The following PTPRG variants were observed in gnomAD, a reference collection of about 807,000 sequenced individuals.
PTPRG encodes the protein protein tyrosine phosphatase receptor type G.
PTPRG carries 102 observed loss-of-function variants against 165.3 expected under a neutral mutation model. That is an observed-to-expected ratio of 0.62 (90% CI 0.53 to 0.73). The LOEUF is 0.73. PTPRG is among the 30% of genes least tolerant of loss of function. The pLI is 0.00. For missense variants in PTPRG, 1,866 were observed against 1,861.4 expected (o/e 1.00, Z -0.05); for synonymous variants, 675 against 669.5 (o/e 1.01, Z -0.13).
At chr3:61,867,214 C>T (rs531461222) in intron 2 of PTPRG, among the ~76,000 whole-genome samples, 4 of 152,302 alleles carry the variant, frequency 2.6e-5, no homozygotes, top group East Asian at 3.9e-4. Context: ...TACCCCCTGC[C>T]TCCCAGAACC....
chr3:62,197,230 T>C (rs924239314), intron 10 of PTPRG, among the ~76,000 whole-genome samples: 1 of 152,154 alleles, frequency 6.6e-6, no homozygotes, highest in Non-Finnish European at 1.5e-5. Flanking sequence ...TGATGTGGGG[T>C]AATGGATGTT....
intron 5 of PTPRG, among the ~76,000 whole-genome samples, chr3:62,109,018 T>G (rs1253843466): frequency 6.6e-6 from 1 of 152,136 alleles, no homozygotes; most frequent in African/African-American, 2.4e-5. Context: ...GATGATAGTT[T>G]CTTTTGCTGT....
intron 1 of PTPRG, among the ~76,000 whole-genome samples, chr3:61,747,527 G>C (rs6445237): frequency 2.1e-3 from 315 of 152,168 alleles, no homozygotes; most frequent in African/African-American, 7.4e-3. Flanking sequence ...TAGGATTCTT[G>C]TTTCCCTCTA....
chr3:62,010,659 AAAAT>A (rs1432688231), intron 4 of PTPRG, among the ~76,000 whole-genome samples: 1 of 152,178 alleles, frequency 6.6e-6, no homozygotes, highest in Non-Finnish European at 1.5e-5. Context: ...CTAATAAAAT[AAAAT>A]AAAATAAAAA....
intron 2 of PTPRG, among the ~76,000 whole-genome samples, chr3:61,906,399 T>A (rs1394000334): frequency 6.6e-6 from 1 of 151,386 alleles, no homozygotes; most frequent in Admixed American, 6.6e-5. Context: ...GAGGTTTCAG[T>A]GAGCCGAGAT....
At chr3:61,758,828 G>GGA (rs1257054591) in intron 2 of PTPRG, among the ~76,000 whole-genome samples, 2 of 152,020 alleles carry the variant, frequency 1.3e-5, no homozygotes, top group Non-Finnish European at 2.9e-5. Flanking sequence ...AAGAACGTAA[G>GGA]GAGGACCCAT....
At chr3:62,160,410 G>C (rs1167169477) in intron 7 of PTPRG, among the ~76,000 whole-genome samples, 1 of 152,186 alleles carries the variant, frequency 6.6e-6, no homozygotes, top group East Asian at 1.9e-4. Context: ...ACATTGGTTT[G>C]GGATTCCCCA....
At chr3:61,732,541 C>T (rs2032546719) in intron 1 of PTPRG, among the ~76,000 whole-genome samples, 1 of 150,278 alleles carries the variant, frequency 6.7e-6, no homozygotes, top group South Asian at 2.1e-4. Context: ...AACCCCGTCT[C>T]TACTAAAAAT....
chr3:61,752,625 A>C (rs534008519), intron 2 of PTPRG, among the ~76,000 whole-genome samples: 2 of 151,898 alleles, frequency 1.3e-5, no homozygotes, highest in African/African-American at 2.4e-5. Context: ...ATTTCTACTA[A>C]AAATACAAAA....
intron 13 of PTPRG, among the ~76,000 whole-genome samples, chr3:62,227,768 G>T (rs1159586758): frequency 6.6e-6 from 1 of 152,194 alleles, no homozygotes; most frequent in Non-Finnish European, 1.5e-5. Context: ...AGGAAGAGAG[G>T]AGCAGGTAAA....
At chr3:61,725,717 T>C (rs1025230402) in intron 1 of PTPRG, among the ~76,000 whole-genome samples, 1 of 151,944 alleles carries the variant, frequency 6.6e-6, no homozygotes, top group African/African-American at 2.4e-5. Context: ...CACCTTTTTT[T>C]TTTTTTTTTG....
intron 1 of PTPRG, among the ~76,000 whole-genome samples, chr3:61,613,112 C>T (rs765572876): frequency 1.3e-5 from 2 of 152,114 alleles, no homozygotes; most frequent in Non-Finnish European, 2.9e-5. Flanking sequence ...GAAATCACAC[C>T]CTTTAGACTA....
chr3:61,626,759 G>A (rs571348063), intron 1 of PTPRG, among the ~76,000 whole-genome samples: 1 of 152,328 alleles, frequency 6.6e-6, no homozygotes, highest in East Asian at 1.9e-4. Context: ...CTGGTTGGCA[G>A]ATTATTAAAT....
rs532356516 is a variant in PTPRG at position 61,866,582 on chromosome 3, C to CTTTTTT, written c.190+117631_190+117636dup. On this transcript the variant is annotated intron_variant, in intron 2 of 29. Coordinates refer to ENST00000474889, the MANE Select transcript of PTPRG (RefSeq NM_002841.4). ...TTCCCTGGCTTTGGAACTGTTTGCT[C>CTTTTTT]TTTTTTTTTTTTTTTTTTTTTTTTT... is the stretch of plus-strand genomic sequence containing the variant. Among the ~76,000 whole-genome samples the CTTTTTT allele has an allele frequency of 5.5e-4, 38 of 69,110 alleles. 9 individuals are homozygous for CTTTTTT. The highest frequency in any genetic ancestry group is 9.0e-4 in the South Asian group (1 of 1,112). The allele number at this position is 69,110 out of a possible 152,430, so 45.3% of individuals were successfully genotyped here.
intron 1 of PTPRG, among the ~76,000 whole-genome samples, chr3:61,617,923 G>T (rs1371497099): frequency 1.3e-5 from 2 of 152,178 alleles, no homozygotes; most frequent in Non-Finnish European, 2.9e-5. Flanking sequence ...TGTCCTGTAG[G>T]AAAACGTCTG....
intron 2 of PTPRG, among the ~76,000 whole-genome samples, chr3:61,823,644 TTA>T (rs1164164252): frequency 6.6e-6 from 1 of 151,896 alleles, no homozygotes; most frequent in Admixed American, 6.6e-5. Flanking sequence ...TTATGGTAAT[TTA>T]TATATTTTTT....
intron 1 of PTPRG, among the ~76,000 whole-genome samples, chr3:61,704,031 C>G (rs1192074794): frequency 4.6e-5 from 7 of 152,148 alleles, no homozygotes; most frequent in Admixed American, 2.6e-4. Context: ...GTAAACAAGT[C>G]ATACTCCAGC....
rs148437951 is a variant in PTPRG, at chr3:61,858,996, G to A, written c.190+110014G>A. 2.0e-5 allele frequency among the ~76,000 whole-genome samples: 3 copies of A among 152,238 alleles called. No individual in the cohort carries two copies. In the East Asian group the frequency reaches 5.8e-4, roughly 29 times the overall value. Reference sequence around the variant, plus strand: ...TATGCAGAGCATGATCAAAGAATGAGGAGATGGAGACAAAAAGTTGCTGAG... The same window carrying A: ...TATGCAGAGCATGATCAAAGAATGAAGAGATGGAGACAAAAAGTTGCTGAG... On this transcript the variant is annotated intron_variant, in intron 2 of 29. Transcript: ENST00000474889.
intron 6 of PTPRG, among the ~76,000 whole-genome samples, chr3:62,136,580 T>G (rs1242704946): frequency 2.6e-5 from 4 of 152,178 alleles, no homozygotes; most frequent in Non-Finnish European, 5.9e-5. Context: ...TTTGGCTGTG[T>G]CCCACCTAAA....
Sources: gnomAD v4.1 joint callset for allele counts (sites outside exome capture counted in the v4.1 genomes callset) on GRCh38, gnomAD v4.1.1 for gene constraint, MANE v1.5 for transcripts, NCBI Gene and HGNC (gene_info 2026-07-23, HGNC 2026-07-21) for gene names.